The following HDHD2 variants were observed in gnomAD, a reference collection of about 807,000 sequenced individuals.
HDHD2 encodes haloacid dehalogenase-like hydrolase domain-containing protein 2.
A neutral mutation model predicts 24.8 loss-of-function variants in HDHD2; 26 were observed. The ratio of observed to expected loss-of-function variants is 1.05; its 90% CI spans 0.77 to 1.45. The LOEUF is 1.45. HDHD2 is among the 40% of genes most tolerant of loss of function. The pLI, the probability that HDHD2 is intolerant of heterozygous loss-of-function variation, is 0.00. For missense variants in HDHD2, 299 were observed against 313.4 expected (o/e 0.95, Z 0.35); for synonymous variants, 128 against 114.9 (o/e 1.11, Z -0.73).
chr18:47,113,192 T>G, intron 5 of HDHD2, 152 bp from the exon 6 acceptor site: 1 of 680,898 alleles, frequency 1.5e-6, no homozygotes, highest in Non-Finnish European at 2.6e-6. Flanking sequence ...TGAATCCACA[T>G]GTAATACTCT....
At chr18:47,110,114 T>A in intron 6 of HDHD2, 2 of 985,426 alleles carry the variant, frequency 2.0e-6, no homozygotes, top group Non-Finnish European at 2.4e-6. Context: ...TTTCTCTGCC[T>A]AAACTCAGCT....
At chr18:47,145,581 T>C (rs1487327886) in intron 1 of HDHD2, among the ~76,000 whole-genome samples, 1 of 152,048 alleles carries the variant, frequency 6.6e-6, no homozygotes, top group African/African-American at 2.4e-5. Flanking sequence ...TGAGAAAAAA[T>C]GAAATTGGAC....
Position 47,108,774 on chromosome 18 carries a change from C to T in HDHD2, c.688G>A (p.Ala230Thr). 6.3e-7 allele frequency: 1 copy of T among 1,599,666 alleles called. No homozygotes were observed. Among genetic ancestry groups the T allele is most frequent in the Non-Finnish European group, 8.6e-7 (1 of 1,167,922 alleles). Residue 230 changes from alanine to threonine, a missense_variant, in exon 7 of 7, where the codon GCA becomes ACA. Physicochemically the swap from Ala to Thr is moderately conservative, Grantham distance 58 (BLOSUM62 0). Coordinates refer to ENST00000300605, the MANE Select transcript of HDHD2 (RefSeq NM_032124.5). ...GILVKTGKYR[A>T]SDEEKINPPP... The stretch of plus-strand genomic sequence containing the variant: ...GGATTAATTTTTTCTTCATCTGATG[C>T]TCGATATTTCCCTGAAATGAAAGTA...
chr18:47,129,620 T>C (rs1402904120), intron 4 of HDHD2, among the ~76,000 whole-genome samples: 2 of 152,172 alleles, frequency 1.3e-5, no homozygotes, highest in Non-Finnish European at 2.9e-5. Context: ...CATCAAATAA[T>C]TTATTTTAAA....
chr18:47,123,548 T>A (rs992653764), intron 4 of HDHD2, among the ~76,000 whole-genome samples: 3 of 151,998 alleles, frequency 2.0e-5, no homozygotes, highest in African/African-American at 7.2e-5. Context: ...GAGCATGCCA[T>A]TGCACTCCAG....
intron 4 of HDHD2, among the ~76,000 whole-genome samples, chr18:47,117,990 A>C (rs1425778873): frequency 6.6e-6 from 1 of 151,732 alleles, no homozygotes; most frequent in Non-Finnish European, 1.5e-5. Flanking sequence ...TCACATAATT[A>C]TTTCTTACAA....
Position 47,135,254 on chromosome 18 carries a change from TTTTC to T in HDHD2, c.102-554_102-551del, listed in dbSNP as rs1371845297. 2.7e-5 allele frequency among the ~76,000 whole-genome samples: 4 copies of T among 150,936 alleles called. No individual in the cohort carries two copies. In the East Asian group the frequency reaches 7.9e-4, roughly 30 times the overall value. On this transcript the variant is annotated intron_variant, in intron 2 of 6. Coordinates refer to ENST00000300605, the MANE Select transcript of HDHD2 (RefSeq NM_032124.5). ...GCACTGTGATATGAGTCACTAGATT[TTTTC>T]TTTTTTTTTTTTTTTTTTTTGAGAC...
intron 4 of HDHD2, among the ~76,000 whole-genome samples, chr18:47,128,939 C>A (rs546216796): frequency 6.6e-6 from 1 of 151,980 alleles, no homozygotes; most frequent in Non-Finnish European, 1.5e-5. Context: ...ATGAATTCTA[C>A]ATAATGTATA....
At chr18:47,120,558 T>C (rs2063596386) in intron 4 of HDHD2, among the ~76,000 whole-genome samples, 1 of 152,232 alleles carries the variant, frequency 6.6e-6, no homozygotes, top group Admixed American at 6.5e-5. Flanking sequence ...TTTGCTTTCT[T>C]ATCATTTGTG....
intron 4 of HDHD2, among the ~76,000 whole-genome samples, chr18:47,119,102 G>A (rs748206526): frequency 5.3e-5 from 8 of 152,180 alleles, no homozygotes; most frequent in Non-Finnish European, 8.8e-5. Flanking sequence ...GAGCCTTCAG[G>A]GAGTCATAAT....
chr18:47,118,325 CAAAAG>C (rs1321405008), intron 4 of HDHD2, among the ~76,000 whole-genome samples: 2 of 152,020 alleles, frequency 1.3e-5, no homozygotes, highest in Non-Finnish European at 2.9e-5. Context: ...GCATTAGTCA[CAAAAG>C]AAAAGACATG....
intron 3 of HDHD2, among the ~76,000 whole-genome samples, chr18:47,132,377 G>A (rs548238843): frequency 5.3e-5 from 8 of 152,040 alleles, no homozygotes; most frequent in Non-Finnish European, 7.4e-5. Flanking sequence ...CCAATCTTTC[G>A]TTATTACAAA....
At chr18:47,114,024 A>G (rs1052801471) in intron 5 of HDHD2, among the ~76,000 whole-genome samples, 4 of 152,172 alleles carry the variant, frequency 2.6e-5, no homozygotes, top group African/African-American at 9.7e-5. Context: ...CCCACCTCTC[A>G]TCCTGTCCCA....
At chr18:47,129,745 T>C (rs1372290336) in intron 4 of HDHD2, among the ~76,000 whole-genome samples, 2 of 152,154 alleles carry the variant, frequency 1.3e-5, no homozygotes, top group Non-Finnish European at 2.9e-5. Flanking sequence ...GAGATTAGCA[T>C]AGTCAGTAGA....
At chr18:47,125,820 G>A (rs989938814) in intron 4 of HDHD2, among the ~76,000 whole-genome samples, 1 of 152,178 alleles carries the variant, frequency 6.6e-6, no homozygotes, top group Non-Finnish European at 1.5e-5. Context: ...GTATATCTAT[G>A]TGTAAAATTG....
At chr18:47,109,807 G>T (rs1163548636) in intron 6 of HDHD2, 2 of 194,320 alleles carry the variant, frequency 1.0e-5, no homozygotes, top group African/African-American at 2.4e-5. Flanking sequence ...TTGTAATTAT[G>T]CATTTATTTG....
intron 2 of HDHD2, 122 bp downstream of exon 2, chr18:47,136,217 G>C: frequency 8.3e-7 from 1 of 1,203,070 alleles, no homozygotes; most frequent in Non-Finnish European, 1.1e-6. Flanking sequence ...ACCCAAGGCA[G>C]TTCCTATATA....
At chr18:47,136,257 G>A in intron 2 of HDHD2, 82 bp downstream of exon 2, 2 of 1,559,504 alleles carry the variant, frequency 1.3e-6, no homozygotes, top group Non-Finnish European at 1.7e-6. Context: ...CCATCTTAAG[G>A]CCATCCATTT....
chr18:47,110,450 A>T, intron 6 of HDHD2: 14 of 985,144 alleles, frequency 1.4e-5, no homozygotes, highest in Non-Finnish European at 1.6e-5. Flanking sequence ...TTGATCTTAC[A>T]GGTAAGTTAA....
Sources: allele counts gnomAD v4.1 joint callset (sites outside exome capture counted in the v4.1 genomes callset), GRCh38; gene constraint gnomAD v4.1.1; transcripts MANE v1.5; gene names NCBI Gene and HGNC (gene_info 2026-07-23, HGNC 2026-07-21).